The following NEK1 variants were observed in gnomAD, a reference collection of about 807,000 sequenced individuals.
The protein encoded by NEK1 is NIMA related kinase 1.
In NEK1, 137 loss-of-function variants were observed where a neutral mutation model predicts 182.1. The observed-to-expected ratio is 0.75, with a 90% CI of 0.65 to 0.87. The LOEUF (loss-of-function observed/expected upper bound fraction) is 0.87. Among genes scored for constraint, NEK1 ranks in the 40% least tolerant of loss-of-function variants. NEK1 has a pLI of 0.00. For synonymous variants in NEK1, 513 were observed against 492.2 expected (o/e 1.04, Z -0.56); for missense variants, 1,391 against 1,494.4 (o/e 0.93, Z 1.14).
chr4:169,514,765 A>G (rs1754834664), intron 19 of NEK1, among the ~76,000 whole-genome samples: 1 of 152,134 alleles, frequency 6.6e-6, no homozygotes, highest in Non-Finnish European at 1.5e-5. Flanking sequence ...CTAGAGACTT[A>G]TCAAATTCAC....
At chr4:169,486,104 T>C (rs987154036) in intron 23 of NEK1, among the ~76,000 whole-genome samples, 1 of 151,786 alleles carries the variant, frequency 6.6e-6, no homozygotes, top group Non-Finnish European at 1.5e-5. Context: ...GTTTTAAATA[T>C]AAAAATGTGC....
chr4:169,494,222 A>G (rs1400667258), intron 23 of NEK1, among the ~76,000 whole-genome samples: 1 of 151,968 alleles, frequency 6.6e-6, no homozygotes, highest in East Asian at 1.9e-4. Flanking sequence ...TACCTTAGGT[A>G]TATCTCCTAA....
chr4:169,483,343 C>T (rs147747059), intron 23 of NEK1, among the ~76,000 whole-genome samples: 1 of 152,114 alleles, frequency 6.6e-6, no homozygotes, highest in Non-Finnish European at 1.5e-5. Context: ...GCAAGAATTA[C>T]AAAAATGTGA....
At chr4:169,611,510 C>T (rs987175677) in intron 2 of NEK1, among the ~76,000 whole-genome samples, 1 of 152,160 alleles carries the variant, frequency 6.6e-6, no homozygotes, top group Non-Finnish European at 1.5e-5. Context: ...TCTAATGAAA[C>T]ATACCAAGGC....
chr4:169,466,938 C>T (rs1387425478), intron 26 of NEK1, among the ~76,000 whole-genome samples: 1 of 151,904 alleles, frequency 6.6e-6, no homozygotes, highest in Non-Finnish European at 1.5e-5. Flanking sequence ...TCTGAGATGC[C>T]AGGGTTCACT....
At chr4:169,609,776 A>G (rs986787141) in intron 2 of NEK1, among the ~76,000 whole-genome samples, 2 of 152,166 alleles carry the variant, frequency 1.3e-5, no homozygotes, top group African/African-American at 4.8e-5. Context: ...TGTATTATCT[A>G]TTCAAAACAA....
At chr4:169,535,377 G>T (rs957165378) in intron 19 of NEK1, among the ~76,000 whole-genome samples, 2 of 151,690 alleles carry the variant, frequency 1.3e-5, no homozygotes, top group African/African-American at 4.8e-5. Context: ...TATAATGTCT[G>T]TATAGAATTA....
chr4:169,445,882 A>ACACATG lies in NEK1; in HGVS notation c.2588-7629_2588-7624dup. On this transcript the variant is annotated intron_variant, in intron 27 of 35. Coordinates refer to ENST00000507142, the MANE Select transcript of NEK1 (RefSeq NM_001199397.3). Reference sequence around the variant, plus strand: ...TATATATATACACACACACACACACACACATGCACAAAATGGACCATTATT... The same window carrying ACACATG: ...TATATATATACACACACACACACACACACATGCACATGCACAAAATGGACCATTATT... Among the ~76,000 whole-genome samples the ACACATG allele has an allele frequency of 1.3e-5, 2 of 151,378 alleles. 1 individual carries two copies. The highest frequency in any genetic ancestry group is 4.2e-4 in the South Asian group (2 of 4,806).
chr4:169,444,969 C>T (rs1349834456), intron 27 of NEK1, among the ~76,000 whole-genome samples: 1 of 152,154 alleles, frequency 6.6e-6, no homozygotes, highest in Non-Finnish European at 1.5e-5. Flanking sequence ...TGTACATATA[C>T]ATGGAATTTA....
intron 19 of NEK1, among the ~76,000 whole-genome samples, chr4:169,518,429 A>C (rs1025470392): frequency 7.2e-6 from 1 of 138,284 alleles, no homozygotes; most frequent in African/African-American, 3.1e-5. Flanking sequence ...GCGGTCTATC[A>C]ATTTTGTTGA....
intron 31 of NEK1, among the ~76,000 whole-genome samples, chr4:169,409,751 G>C (rs1733332911): frequency 6.6e-6 from 1 of 152,176 alleles, no homozygotes; most frequent in Non-Finnish European, 1.5e-5. Flanking sequence ...CTGGGCGACA[G>C]AGCGAGACTT....
intron 19 of NEK1, among the ~76,000 whole-genome samples, chr4:169,512,002 T>C (rs2149709211): frequency 1.3e-5 from 2 of 152,286 alleles, no homozygotes; most frequent in South Asian, 4.1e-4. Context: ...TACAGTCTTT[T>C]CATTCATTCA....
At chr4:169,594,451 G>A (rs1196653897) in intron 5 of NEK1, among the ~76,000 whole-genome samples, 2 of 152,180 alleles carry the variant, frequency 1.3e-5, no homozygotes, top group Non-Finnish European at 2.9e-5. Context: ...CCAGAAGAAA[G>A]TAAGCTTACC....
chr4:169,566,006 G>A (rs1478046390), intron 12 of NEK1, among the ~76,000 whole-genome samples: 1 of 152,162 alleles, frequency 6.6e-6, no homozygotes, highest in Non-Finnish European at 1.5e-5. Flanking sequence ...TATCCCAAGA[G>A]TTACTAAATC....
intron 12 of NEK1, among the ~76,000 whole-genome samples, chr4:169,568,790 A>G (rs891311529): frequency 1.3e-5 from 2 of 152,066 alleles, no homozygotes; most frequent in Non-Finnish European, 2.9e-5. Flanking sequence ...CAAAAAAATT[A>G]GCCGGGCATG....
chr4:169,577,496 G>C lies in NEK1; in HGVS notation c.869-417C>G, dbSNP rs192232095. ...GCTGTTAAAAATAAAGGCCAAGCGC[G>C]GTGGCTCACGCCTGTAATCCCAGCA... On this transcript the variant is annotated intron_variant, in intron 11 of 35. Coordinates refer to ENST00000507142, the MANE Select transcript of NEK1 (RefSeq NM_001199397.3). Among the ~76,000 whole-genome samples the C allele has an allele frequency of 2.0e-4, 30 of 152,166 alleles. 1 individual carries two copies. The South Asian group carries it at 6.2e-3, about 32-fold the overall frequency.
At chr4:169,487,971 G>A (rs764237988) in intron 23 of NEK1, among the ~76,000 whole-genome samples, 2 of 152,092 alleles carry the variant, frequency 1.3e-5, no homozygotes, top group Non-Finnish European at 2.9e-5. Flanking sequence ...TTTTTAAGAA[G>A]TGTCTGTTTA....
At chr4:169,566,301 T>C (rs1024973296) in intron 12 of NEK1, among the ~76,000 whole-genome samples, 1 of 152,224 alleles carries the variant, frequency 6.6e-6, no homozygotes, top group Non-Finnish European at 1.5e-5. Flanking sequence ...TTGCCTTACA[T>C]ATAAGATATT....
At chr4:169,476,066 C>T (rs1462597342) in intron 26 of NEK1, among the ~76,000 whole-genome samples, 1 of 151,964 alleles carries the variant, frequency 6.6e-6, no homozygotes, top group Non-Finnish European at 1.5e-5. Flanking sequence ...CAACCATAAA[C>T]CCAAAGACAC....
Sources: allele counts gnomAD v4.1 joint callset (sites outside exome capture counted in the v4.1 genomes callset), GRCh38; gene constraint gnomAD v4.1.1; transcripts MANE v1.5; gene names NCBI Gene and HGNC (gene_info 2026-07-23, HGNC 2026-07-21).